CCDC149: variants seen among roughly 807,000 people sequenced by gnomAD.
CCDC149 encodes the protein coiled-coil domain containing 149, also known as coiled-coil domain-containing protein 149.
In CCDC149, 45 loss-of-function variants were observed where a neutral mutation model predicts 59.9. The observed-to-expected ratio is 0.75, with a 90% confidence interval of 0.59 to 0.96. CCDC149 has a LOEUF of 0.96. Ranked by LOEUF, CCDC149 falls within the 40% of genes least tolerant of loss-of-function variation. The pLI, the probability that CCDC149 is intolerant of heterozygous loss-of-function variation, is 0.00. For synonymous variants in CCDC149, 245 were observed against 260.6 expected (o/e 0.94, Z 0.58); for missense variants, 584 against 664.7 (o/e 0.88, Z 1.33).
chr4:24,931,829 G>GTATATATATA (rs57205804), intron 1 of CCDC149, among the ~76,000 whole-genome samples: 1,362 of 76,776 alleles, frequency 0.018, 103 homozygotes, highest in East Asian at 0.088. Context: ...TGGAGAGTAT[G>GTATATATATA]TATATATATA....
chr4:24,963,304 T>C (rs1723698965), intron 1 of CCDC149, among the ~76,000 whole-genome samples: 1 of 150,930 alleles, frequency 6.6e-6, no homozygotes, highest in African/African-American at 2.5e-5. Flanking sequence ...ACTCCCCACC[T>C]GGCCAAAGTA....
intron 1 of CCDC149, among the ~76,000 whole-genome samples, chr4:24,886,862 C>T (rs958365557): frequency 4.6e-5 from 7 of 152,064 alleles, no homozygotes; most frequent in Non-Finnish European, 1.0e-4. Context: ...ACCAAATACA[C>T]TAGGTAATCA....
chr4:24,929,634 G>A lies in CCDC149; in HGVS notation c.-64-34516C>T, dbSNP rs567912270. Reference sequence around the variant, plus strand: ...TCCTCTTCTTACACCCTTCACCGCAGTCCAAGTGAATCTCTGACTTTCTGT... The same window carrying A: ...TCCTCTTCTTACACCCTTCACCGCAATCCAAGTGAATCTCTGACTTTCTGT... On this transcript the variant is annotated intron_variant, in intron 1 of 12. Transcript: ENST00000389609. 7.7e-4 allele frequency among the ~76,000 whole-genome samples: 117 copies of A among 152,270 alleles called. 2 individuals are homozygous for A. In the South Asian group the frequency reaches 0.023, roughly 29 times the overall value.
intron 1 of CCDC149, among the ~76,000 whole-genome samples, chr4:24,968,734 G>C (rs1234012118): frequency 6.6e-6 from 1 of 152,250 alleles, no homozygotes; most frequent in Admixed American, 6.5e-5. Flanking sequence ...CTATTGGGCA[G>C]TATGGATGGT....
intron 8 of CCDC149, among the ~76,000 whole-genome samples, chr4:24,832,399 T>C (rs950157332): frequency 1.8e-4 from 28 of 152,288 alleles, no homozygotes; most frequent in Admixed American, 1.4e-3. Flanking sequence ...GAGTACATTA[T>C]GCAAAAACTA....
At chr4:24,957,537 T>G (rs951005539) in intron 1 of CCDC149, among the ~76,000 whole-genome samples, 2 of 152,226 alleles carry the variant, frequency 1.3e-5, no homozygotes, top group Non-Finnish European at 2.9e-5. Context: ...TACCTGGTTG[T>G]CTATTTTCCA....
At position 24,836,389 on chromosome 4, in the gene CCDC149, A is replaced by C. The variant is rs761005924; in HGVS notation, c.735+47T>G. 10 of 1,223,246 alleles carry C rather than the reference A, an allele frequency of 8.2e-6. 1 individual carries two copies. Among genetic ancestry groups the C allele is most frequent in the Non-Finnish European group, 1.2e-5 (10 of 828,200 alleles). The allele number at this position is 1,223,246 out of a possible 1,614,324, so 75.8% of individuals were successfully genotyped here. Reference sequence around the variant, plus strand: ...AGGGAATTAAAATAGAATGACGTTTAGATGCACAATAGTCAATCACCATCA... The same window carrying C: ...AGGGAATTAAAATAGAATGACGTTTCGATGCACAATAGTCAATCACCATCA... On this transcript the variant is annotated intron_variant, in intron 7 of 12. Coordinates refer to ENST00000635206, the MANE Select transcript of CCDC149 (RefSeq NM_001330643.2).
intron 12 of CCDC149, among the ~76,000 whole-genome samples, chr4:24,816,843 C>G (rs1257797768): frequency 6.6e-6 from 1 of 152,082 alleles, no homozygotes; most frequent in East Asian, 1.9e-4. Context: ...GCTAATCACC[C>G]AAAAACGTGT....
chr4:24,959,838 A>C (rs1316557340), intron 1 of CCDC149, among the ~76,000 whole-genome samples: 1 of 152,222 alleles, frequency 6.6e-6, no homozygotes, highest in Non-Finnish European at 1.5e-5. Context: ...TGCAAAATAA[A>C]GATGTTTTCA....
rs1316301889 is a variant in CCDC149 at position 24,807,431 on chromosome 4, G to GGC, written c.*956_*957dup. The GGC allele has an allele frequency of 6.6e-6, 1 of 152,170 alleles. No individual in the cohort carries two copies. The highest frequency in any genetic ancestry group is 2.4e-5 in the African/African-American group (1 of 41,406). The allele number at this position is 152,170 out of a possible 1,614,324, so 9.4% of individuals were successfully genotyped here. On this transcript the variant is annotated 3_prime_UTR_variant, in exon 13 of 13. Coordinates refer to ENST00000635206, the MANE Select transcript of CCDC149 (RefSeq NM_001330643.2). ...TTCCCGTACTTGGTGGCACAAATGAGGCAGCCTCAACATTCTGTTGAAGGA... is the reference window on the plus strand; with the variant it reads ...TTCCCGTACTTGGTGGCACAAATGAGGCGCAGCCTCAACATTCTGTTGAAGGA...
intron 1 of CCDC149, among the ~76,000 whole-genome samples, chr4:24,879,465 C>T (rs916021437): frequency 1.3e-4 from 20 of 150,626 alleles, no homozygotes; most frequent in Admixed American, 1.3e-3. Context: ...TGCAGTGAGC[C>T]GAGATCGCAC....
chr4:24,896,592 C>T (rs952650848), intron 1 of CCDC149, among the ~76,000 whole-genome samples: 11 of 151,768 alleles, frequency 7.2e-5, no homozygotes, highest in Non-Finnish European at 1.6e-4. Context: ...AAATGATTTC[C>T]CACCCACAGC....
chr4:24,808,833 G>A lies in CCDC149; in HGVS notation c.1193-14C>T, dbSNP rs1183317149. 6.5e-7 allele frequency: 1 copy of A among 1,536,622 alleles called. No homozygotes were observed. The stretch of plus-strand genomic sequence containing the variant: ...TCTGAGCCTCCCCTGAAAACAGAAC[G>A]AGGACAACATTAAACCTCTGGCAGC... On this transcript the variant is annotated splice_polypyrimidine_tract_variant and intron_variant, in intron 12 of 12. Coordinates refer to ENST00000635206, the MANE Select transcript of CCDC149 (RefSeq NM_001330643.2).
intron 1 of CCDC149, among the ~76,000 whole-genome samples, chr4:24,947,404 G>A (rs1443055650): frequency 6.6e-6 from 1 of 152,116 alleles, no homozygotes; most frequent in African/African-American, 2.4e-5. Flanking sequence ...ATGACTGTAG[G>A]TTTCCTGAGG....
intron 8 of CCDC149, 37 bp from the exon 9 acceptor site, chr4:24,831,687 T>C (rs769121257): frequency 6.3e-7 from 1 of 1,592,100 alleles, no homozygotes; most frequent in Admixed American, 1.7e-5. Flanking sequence ...CAGTCGTCAT[T>C]CTTCTGAAAC....
At chr4:24,856,105 C>T (rs1032816801) in intron 3 of CCDC149, among the ~76,000 whole-genome samples, 1 of 152,202 alleles carries the variant, frequency 6.6e-6, no homozygotes, top group Non-Finnish European at 1.5e-5. Flanking sequence ...TGTGCCCACT[C>T]CGTGGTTGCT....
intron 1 of CCDC149, among the ~76,000 whole-genome samples, chr4:24,941,111 C>A (rs1360809609): frequency 6.6e-6 from 1 of 152,152 alleles, no homozygotes; most frequent in African/African-American, 2.4e-5. Context: ...CAGCACCACA[C>A]CACACCTATT....
intron 1 of CCDC149, among the ~76,000 whole-genome samples, chr4:24,949,852 G>A (rs1260242434): frequency 6.6e-6 from 1 of 152,208 alleles, no homozygotes; most frequent in Non-Finnish European, 1.5e-5. Context: ...CCAAGATGTT[G>A]TCAGGGATTC....
At chr4:24,805,503 C>CT (rs1323884362), downstream of CCDC149, among the ~76,000 whole-genome samples, 1 of 152,232 alleles carries the variant, frequency 6.6e-6, no homozygotes, top group East Asian at 1.9e-4. Flanking sequence ...ATTCCCAACT[C>CT]TCTTACACAT....
Sources: gnomAD v4.1 joint callset for allele counts (sites outside exome capture counted in the v4.1 genomes callset) on GRCh38, gnomAD v4.1.1 for gene constraint, MANE v1.5 for transcripts, NCBI Gene and HGNC (gene_info 2026-07-23, HGNC 2026-07-21) for gene names.